Variants in CLVS1 observed in about 807,000 individuals in gnomAD.
The protein encoded by CLVS1 is clavesin-1.
In CLVS1, 10 loss-of-function variants were observed where a neutral mutation model predicts 33.1. The observed-to-expected ratio is 0.30, with a 90% CI of 0.19 to 0.51. CLVS1 has a LOEUF of 0.51. Among genes scored for constraint, CLVS1 ranks in the 20% least tolerant of loss-of-function variants. The pLI, the probability that CLVS1 is intolerant of heterozygous loss-of-function variation, is 0.97. For synonymous variants in CLVS1, 163 were observed against 166.1 expected (o/e 0.98, Z 0.14); for missense variants, 343 against 433.4 (o/e 0.79, Z 1.85).
At chr8:61,027,501 C>T in the CLVS1 span, among the ~76,000 whole-genome samples, 1 of 152,018 alleles carries the variant, frequency 6.6e-6, no homozygotes, top group Admixed American at 6.5e-5. Flanking sequence ...TGTATGTCAT[C>T]TTTGCTTGGG....
intron 1 of CLVS1, among the ~76,000 whole-genome samples, chr8:61,081,843 C>T (rs951613939): frequency 2.6e-5 from 4 of 152,130 alleles, no homozygotes; most frequent in African/African-American, 9.7e-5. Context: ...AAGCAGAAAC[C>T]CAGGAGCAGA....
chr8:61,094,173 G>C (rs907916839), intron 1 of CLVS1, among the ~76,000 whole-genome samples: 1 of 152,116 alleles, frequency 6.6e-6, no homozygotes, highest in Admixed American at 6.5e-5. Flanking sequence ...TGCTGGACTC[G>C]CCTGTGGCCC....
intron 2 of CLVS1, among the ~76,000 whole-genome samples, chr8:61,195,974 T>C (rs1316436893): frequency 6.6e-6 from 1 of 152,162 alleles, no homozygotes; most frequent in African/African-American, 2.4e-5. Context: ...TTGGAAAAAC[T>C]ACATATGAGC....
chr8:61,421,654 G>A (rs1392128049), intron 3 of CLVS1, among the ~76,000 whole-genome samples: 1 of 152,234 alleles, frequency 6.6e-6, no homozygotes, highest in African/African-American at 2.4e-5. Flanking sequence ...CGGATGTGGT[G>A]TCCAGCTGAA....
chr8:61,414,849 C>T (rs988237052), intron 3 of CLVS1, among the ~76,000 whole-genome samples: 1 of 152,342 alleles, frequency 6.6e-6, no homozygotes, highest in South Asian at 2.1e-4. Context: ...TTCTCATCCT[C>T]ACAGCACCTG....
At chr8:61,355,811 CATT>C (rs1812677084) in intron 2 of CLVS1, among the ~76,000 whole-genome samples, 2 of 152,112 alleles carry the variant, frequency 1.3e-5, no homozygotes, top group Non-Finnish European at 2.9e-5. Context: ...TCCAGTCTAT[CATT>C]GTTGGACATT....
intron 1 of CLVS1, among the ~76,000 whole-genome samples, chr8:61,063,596 G>A (rs760404431): frequency 1.3e-5 from 2 of 152,186 alleles, no homozygotes; most frequent in African/African-American, 2.4e-5. Flanking sequence ...TAGTGGAGGT[G>A]AGGGATTTGA....
intron 5 of CLVS1, among the ~76,000 whole-genome samples, chr8:61,478,941 A>T (rs1296841073): frequency 1.3e-5 from 2 of 152,226 alleles, no homozygotes; most frequent in Non-Finnish European, 2.9e-5. Context: ...AGTTTCTGCC[A>T]AGAGATCCGC....
At chr8:61,273,297 T>C (rs370057200) in intron 2 of CLVS1, among the ~76,000 whole-genome samples, 1 of 152,078 alleles carries the variant, frequency 6.6e-6, no homozygotes, top group Non-Finnish European at 1.5e-5. Context: ...CCCAGTTAGG[T>C]TGCTCGGGGG....
chr8:61,490,784 C>T (rs951878513), intron 5 of CLVS1, among the ~76,000 whole-genome samples: 16 of 151,518 alleles, frequency 1.1e-4, no homozygotes, highest in Admixed American at 8.5e-4. Flanking sequence ...CATGGTGAAA[C>T]CCCGTCTCTA....
At chr8:61,033,048 A>AGAAGGAAGGAAGG in the CLVS1 span, among the ~76,000 whole-genome samples, 1 of 92,060 alleles carries the variant, frequency 1.1e-5, no homozygotes, top group Non-Finnish European at 2.5e-5. Context: ...AAAGAAAGAA[A>AGAAGGAAGGAAGG]AAGAAAGAAA....
At chr8:61,251,847 A>T (rs966099196) in intron 2 of CLVS1, among the ~76,000 whole-genome samples, 112 of 151,704 alleles carry the variant, frequency 7.4e-4, no homozygotes, top group African/African-American at 2.6e-3. Flanking sequence ...TATTTTGTTG[A>T]TCTTTTCAAA....
chr8:61,018,967 G>A, the CLVS1 span, among the ~76,000 whole-genome samples: 1 of 152,212 alleles, frequency 6.6e-6, no homozygotes, highest in African/African-American at 2.4e-5. Flanking sequence ...CTGAGCTTTA[G>A]TGACTTACAT....
chr8:61,101,384 G>A (rs1805446803), intron 1 of CLVS1, among the ~76,000 whole-genome samples: 1 of 152,098 alleles, frequency 6.6e-6, no homozygotes, highest in South Asian at 2.1e-4. Flanking sequence ...CTGTATAGAT[G>A]TTTGTATGTC....
chr8:61,389,548 A>AG (rs1814219404), intron 3 of CLVS1, among the ~76,000 whole-genome samples: 4 of 152,130 alleles, frequency 2.6e-5, no homozygotes, highest in African/African-American at 4.8e-5. Flanking sequence ...AGGAAAAAAA[A>AG]AAAGACAAAT....
At chr8:61,220,556 C>T (rs1339498018) in intron 2 of CLVS1, among the ~76,000 whole-genome samples, 2 of 151,864 alleles carry the variant, frequency 1.3e-5, no homozygotes, top group Non-Finnish European at 2.9e-5. Context: ...GTTTTGATTA[C>T]TGTAGCCTTG....
At chr8:61,007,709 A>G in the CLVS1 span, among the ~76,000 whole-genome samples, 2 of 152,136 alleles carry the variant, frequency 1.3e-5, no homozygotes, top group African/African-American at 4.8e-5. Context: ...ATTTATAAAC[A>G]CGGGCACCTG....
chr8:61,373,509 G>A (rs1022973160), intron 2 of CLVS1, among the ~76,000 whole-genome samples: 2 of 152,200 alleles, frequency 1.3e-5, no homozygotes, highest in African/African-American at 4.8e-5. Context: ...CTTGGAGTGG[G>A]TAAGTGTGGA....
At chr8:61,030,710 G>A in the CLVS1 span, among the ~76,000 whole-genome samples, 12 of 152,304 alleles carry the variant, frequency 7.9e-5, 1 homozygote, top group South Asian at 4.1e-4. Flanking sequence ...CATATTATGT[G>A]CCAGGCATCA....
Sources: gnomAD v4.1 joint callset for allele counts (sites outside exome capture counted in the v4.1 genomes callset) on GRCh38, gnomAD v4.1.1 for gene constraint, MANE v1.5 for transcripts, NCBI Gene and HGNC (gene_info 2026-07-23, HGNC 2026-07-21) for gene names.